The following GRID2 variants were observed in gnomAD, a reference collection of about 807,000 sequenced individuals.
GRID2 encodes glutamate receptor ionotropic, delta-2.
In GRID2, 33 loss-of-function variants were observed where a neutral mutation model predicts 114.8. The observed-to-expected ratio is 0.29, with a 90% CI of 0.22 to 0.38. The LOEUF (loss-of-function observed/expected upper bound fraction) is 0.38, where lower values mean the gene tolerates loss of function less well. Among genes scored for constraint, GRID2 ranks in the 10% least tolerant of loss-of-function variants. GRID2 has a pLI of 1.00. For missense variants in GRID2, 1,184 were observed against 1,257.7 expected (o/e 0.94, Z 0.89); for synonymous variants, 505 against 449.9 (o/e 1.12, Z -1.55).
chr4:93,174,884 G>C (rs1739201299), intron 4 of GRID2, among the ~76,000 whole-genome samples: 3 of 152,086 alleles, frequency 2.0e-5, no homozygotes, highest in Admixed American at 1.3e-4. Context: ...AGAGCCTCTG[G>C]GTTGCTTCCA....
chr4:93,590,589 AAG>A (rs1262846376), intron 13 of GRID2, among the ~76,000 whole-genome samples: 1 of 152,094 alleles, frequency 6.6e-6, no homozygotes, highest in Non-Finnish European at 1.5e-5. Flanking sequence ...CAATTCTCTG[AAG>A]AAAGGCATTG....
intron 2 of GRID2, among the ~76,000 whole-genome samples, chr4:92,709,849 A>G (rs141676707): frequency 1.2e-4 from 18 of 151,974 alleles, no homozygotes; most frequent in Middle Eastern, 3.4e-3. Flanking sequence ...CTACAGATGT[A>G]TCTATTAGAT....
At chr4:93,388,747 CG>C (rs1764568066) in intron 8 of GRID2, among the ~76,000 whole-genome samples, 1 of 152,106 alleles carries the variant, frequency 6.6e-6, no homozygotes, top group Non-Finnish European at 1.5e-5. Flanking sequence ...AAATTAGCTT[CG>C]GCTAGGATGG....
intron 14 of GRID2, among the ~76,000 whole-genome samples, chr4:93,662,504 G>A (rs1204022210): frequency 1.3e-5 from 2 of 151,970 alleles, no homozygotes; most frequent in African/African-American, 4.8e-5. Context: ...ATCTTGATCT[G>A]CTTCTAAAGA....
intron 1 of GRID2, among the ~76,000 whole-genome samples, chr4:93,789,950 C>T (rs186270798): frequency 1.3e-5 from 2 of 152,144 alleles, no homozygotes; most frequent in Admixed American, 6.5e-5. Flanking sequence ...GCATTAGATT[C>T]TCATAGGAGT....
chr4:93,543,753 C>T lies in GRID2; in HGVS notation c.2193+28342C>T, dbSNP rs568462048. Among the ~76,000 whole-genome samples, 3 of 139,234 alleles carry T rather than the reference C, an allele frequency of 2.2e-5. No homozygotes were observed. The East Asian group carries it at 7.3e-4, about 34-fold the overall frequency. 91.3% of individuals were successfully genotyped at this position (139,234 alleles called of 152,430 possible). A position where few individuals can be genotyped will look rare whatever the true frequency, so the allele number is the denominator to read the frequency against. On this transcript the variant is annotated intron_variant, in intron 13 of 15. Coordinates refer to ENST00000282020, the MANE Select transcript of GRID2 (RefSeq NM_001510.4). ...GAGAGAGAGAGAGAGAGAGAAGCAG[C>T]ACTCACTGGATCACAGGGCACCCAG... is the stretch of plus-strand genomic sequence containing the variant.
intron 4 of GRID2, among the ~76,000 whole-genome samples, chr4:93,137,793 C>G (rs1735398022): frequency 6.6e-6 from 1 of 151,846 alleles, no homozygotes; most frequent in Non-Finnish European, 1.5e-5. Flanking sequence ...CATGTGGGAC[C>G]ACTATATTTT....
chr4:93,509,816 A>G lies in GRID2; in HGVS notation c.1998-5400A>G, dbSNP rs141479459. 1.3e-3 allele frequency among the ~76,000 whole-genome samples: 199 copies of G among 152,254 alleles called. 1 individual carries two copies. Among genetic ancestry groups the G allele is most frequent in the African/African-American group, 4.4e-3 (183 of 41,550 alleles). ...CAACATTAATTCTCACCCTCACGGC[A>G]TATTAGTTGTTCCTTTAAATGCTAC... is the stretch of plus-strand genomic sequence containing the variant. On this transcript the variant is annotated intron_variant, in intron 12 of 15. Coordinates refer to ENST00000282020, the MANE Select transcript of GRID2 (RefSeq NM_001510.4).
intron 2 of GRID2, among the ~76,000 whole-genome samples, chr4:92,600,024 ATGTGTGTGTGTG>A (rs145357264): frequency 0.019 from 1,552 of 79,626 alleles, 33 homozygotes; most frequent in Middle Eastern, 0.038. Flanking sequence ...TACTTCATGT[ATGTGTGTGTGTG>A]TGTGTGTGTA....
chr4:92,343,413 G>A (rs996216358), intron 1 of GRID2, among the ~76,000 whole-genome samples: 5 of 151,896 alleles, frequency 3.3e-5, no homozygotes, highest in Non-Finnish European at 7.4e-5. Flanking sequence ...GGAGATTGTG[G>A]TACTGACCCC....
At chr4:92,553,476 C>G (rs1461147372) in intron 1 of GRID2, among the ~76,000 whole-genome samples, 1 of 151,862 alleles carries the variant, frequency 6.6e-6, no homozygotes, top group Non-Finnish European at 1.5e-5. Context: ...CATTTGTATA[C>G]CTTCGTAATT....
chr4:92,615,377 G>A (rs1729959574), intron 2 of GRID2, among the ~76,000 whole-genome samples: 5 of 151,460 alleles, frequency 3.3e-5, no homozygotes, highest in Admixed American at 2.0e-4. Flanking sequence ...CCATCACATT[G>A]AAGCTTAGGG....
intron 8 of GRID2, among the ~76,000 whole-genome samples, chr4:93,252,583 G>T (rs945177713): frequency 2.6e-5 from 4 of 152,008 alleles, no homozygotes; most frequent in Non-Finnish European, 5.9e-5. Context: ...TTTTAAAATA[G>T]TTTTTCCTAT....
chr4:93,281,566 C>A (rs1194043180), intron 8 of GRID2, among the ~76,000 whole-genome samples: 2 of 152,004 alleles, frequency 1.3e-5, no homozygotes, highest in Non-Finnish European at 2.9e-5. Flanking sequence ...AGTCTCTAAA[C>A]TTTGCCAGTG....
chr4:93,067,758 G>A (rs1054780716), intron 2 of GRID2, among the ~76,000 whole-genome samples: 4 of 151,376 alleles, frequency 2.6e-5, no homozygotes, highest in Non-Finnish European at 4.4e-5. Context: ...GGGACACTGT[G>A]CCTGTAAAAA....
intron 2 of GRID2, among the ~76,000 whole-genome samples, chr4:92,696,381 T>G (rs1246975612): frequency 6.6e-6 from 1 of 152,202 alleles, no homozygotes; most frequent in Non-Finnish European, 1.5e-5. Flanking sequence ...ATTGCTTAAA[T>G]AGGCTTAATG....
At chr4:93,209,767 T>G (rs1355455401) in intron 5 of GRID2, among the ~76,000 whole-genome samples, 1 of 152,092 alleles carries the variant, frequency 6.6e-6, no homozygotes, top group Non-Finnish European at 1.5e-5. Context: ...GCATCTGTTA[T>G]TTTTTGACTT....
intron 1 of GRID2, among the ~76,000 whole-genome samples, chr4:92,343,291 C>T (rs1727602106): frequency 6.6e-6 from 1 of 151,050 alleles, no homozygotes; most frequent in African/African-American, 2.4e-5. Context: ...TAATTATACA[C>T]ATGCTTAGTA....
intron 14 of GRID2, among the ~76,000 whole-genome samples, chr4:93,645,734 C>G (rs1419783170): frequency 3.3e-5 from 5 of 152,108 alleles, no homozygotes; most frequent in Non-Finnish European, 5.9e-5. Context: ...GAAAATTCAG[C>G]TCTTTATTAA....
Sources: allele counts gnomAD v4.1 joint callset (sites outside exome capture counted in the v4.1 genomes callset), GRCh38; gene constraint gnomAD v4.1.1; transcripts MANE v1.5; gene names NCBI Gene and HGNC (gene_info 2026-07-23, HGNC 2026-07-21).